Variants in HLTF observed in about 807,000 individuals in gnomAD.
HLTF encodes helicase like transcription factor.
A neutral mutation model predicts 129.4 loss-of-function variants in HLTF; 127 were observed. The ratio of observed to expected loss-of-function variants is 0.98; its 90% CI spans 0.85 to 1.14. The LOEUF (loss-of-function observed/expected upper bound fraction) is 1.14, where lower values mean the gene tolerates loss of function less well. Ranked by LOEUF, HLTF falls within the 50% of genes most tolerant of loss-of-function variation. The probability of loss-of-function intolerance (pLI) is 0.00; values close to 1 mark genes in which losing one functional copy is unlikely to be tolerated. For synonymous variants in HLTF, 332 were observed against 388.8 expected (o/e 0.85, Z 1.72); for missense variants, 1,139 against 1,187.1 (o/e 0.96, Z 0.60).
chr3:149,073,281 CT>C lies in HLTF; in HGVS notation c.570del (p.Ala191LeufsTer15), dbSNP rs762485670. 6.2e-7 allele frequency: 1 copy of C among 1,613,418 alleles called. No individual in the cohort carries two copies. The highest frequency in any genetic ancestry group is 1.1e-5 in the South Asian group (1 of 90,902). On this transcript the variant is annotated frameshift_variant, in exon 5 of 25. Transcript: ENST00000310053. LOFTEE classifies it high-confidence loss of function. ...FNLESGWGSG[R>X]AGPSYSMPVH... ...ACTGGCATACTATAGCTTGGTCCAGCTCTTCCAGAGCCCCAACCACTTTCCA... is the reference window on the plus strand; with the variant it reads ...ACTGGCATACTATAGCTTGGTCCAGCCTTCCAGAGCCCCAACCACTTTCCA...
intron 15 of HLTF, 39 bp downstream of exon 15, chr3:149,050,193 C>T: frequency 7.4e-7 from 1 of 1,348,948 alleles, no homozygotes; most frequent in Non-Finnish European, 1.0e-6. Flanking sequence ...TTCTTACATT[C>T]AATCTTTAAA....
intron 23 of HLTF, 99 bp downstream of exon 23, chr3:149,038,950 C>G (rs1715876094): frequency 1.6e-6 from 1 of 637,760 alleles, no homozygotes; most frequent in Non-Finnish European, 2.5e-6. Context: ...AGAATTTTCA[C>G]AGTTAATTAT....
intron 14 of HLTF, among the ~76,000 whole-genome samples, chr3:149,053,928 A>G (rs1300392270): frequency 6.6e-6 from 1 of 152,228 alleles, no homozygotes. Context: ...AAATTAAAGA[A>G]AGAACAGTTT....
At chr3:149,074,757 C>T (rs866442401) in intron 3 of HLTF, among the ~76,000 whole-genome samples, 9 of 151,920 alleles carry the variant, frequency 5.9e-5, no homozygotes, top group African/African-American at 1.9e-4. Flanking sequence ...AACTGAAAAA[C>T]CTGATAAACT....
rs1226640252 is a variant in HLTF at position 149,030,785 on chromosome 3, G to C, written c.*1435C>G. The C allele has an allele frequency of 2.0e-5, 3 of 152,194 alleles. No individual in the cohort carries two copies. Among genetic ancestry groups the C allele is most frequent in the Non-Finnish European group, 4.4e-5 (3 of 68,046 alleles). The allele number at this position is 152,194 out of a possible 1,614,324, so 9.4% of individuals were successfully genotyped here. A position where few individuals can be genotyped will look rare whatever the true frequency, so the allele number is the denominator to read the frequency against. ...CTGCTACTGCCTCAAAAAGGGACCAGGAAGATTCTAGCTGGCTAATTCACT... is the reference window on the plus strand; with the variant it reads ...CTGCTACTGCCTCAAAAAGGGACCACGAAGATTCTAGCTGGCTAATTCACT... On this transcript the variant is annotated 3_prime_UTR_variant, in exon 25 of 25. Coordinates refer to ENST00000310053, the MANE Select transcript of HLTF (RefSeq NM_003071.4).
intron 8 of HLTF, among the ~76,000 whole-genome samples, chr3:149,065,152 T>A (rs1267711505): frequency 6.6e-6 from 1 of 152,140 alleles, no homozygotes; most frequent in Non-Finnish European, 1.5e-5. Flanking sequence ...AATGACACAT[T>A]ATTGTGAGAA....
At chr3:149,082,629 T>C (rs887367731) in intron 2 of HLTF, among the ~76,000 whole-genome samples, 2 of 152,204 alleles carry the variant, frequency 1.3e-5, no homozygotes, top group Non-Finnish European at 2.9e-5. Flanking sequence ...ACTAGGATCA[T>C]ACATTTAAAA....
chr3:149,058,274 A>G (rs1256755747), intron 13 of HLTF, among the ~76,000 whole-genome samples: 2 of 152,070 alleles, frequency 1.3e-5, no homozygotes, highest in Non-Finnish European at 2.9e-5. Context: ...GGATTTTGCC[A>G]TGTTGCCCAC....
At chr3:149,084,207 A>C (rs779232317) in intron 2 of HLTF, among the ~76,000 whole-genome samples, 1 of 152,206 alleles carries the variant, frequency 6.6e-6, no homozygotes, top group Non-Finnish European at 1.5e-5. Context: ...CAATCAAAAA[A>C]CAATTTGAAA....
rs778543884 is a variant in HLTF, at chr3:149,064,815, C to T, written c.1042G>A (p.Glu348Lys). 24 of 1,597,706 alleles carry T rather than the reference C, an allele frequency of 1.5e-5. No homozygotes were observed. The South Asian group carries it at 2.6e-4, about 18-fold the overall frequency. The change falls in exon 9 of 25, where the codon GAA becomes AAA. Residue 348 changes from glutamate to lysine, a missense_variant. Transcript: ENST00000310053. ...CCTTTGCTTAGTCCATCTGCCTTTT[C>T]ACTGGTATTGTTTCCTCCAAGTTTC... ...SMKLGGNNTS[E>K]KADGLSKDAS...
intron 10 of HLTF, among the ~76,000 whole-genome samples, chr3:149,061,397 C>T (rs1021646856): frequency 3.3e-5 from 5 of 149,744 alleles, no homozygotes; most frequent in East Asian, 3.9e-4. Context: ...CCTGACAGAG[C>T]GACACTCCAT....
chr3:149,073,910 G>T (rs1719090828), intron 4 of HLTF, among the ~76,000 whole-genome samples: 1 of 152,002 alleles, frequency 6.6e-6, no homozygotes, highest in Non-Finnish European at 1.5e-5. Flanking sequence ...TAAAGTCAGG[G>T]GTTTCCAGAT....
chr3:149,077,264 A>AATT (rs1576624510), intron 2 of HLTF, among the ~76,000 whole-genome samples: 2 of 149,750 alleles, frequency 1.3e-5, no homozygotes, highest in Admixed American at 6.7e-5. Flanking sequence ...ATAAATAAAT[A>AATT]AATAAATAAA....
chr3:149,057,102 C>T (rs1332960240), intron 13 of HLTF, among the ~76,000 whole-genome samples: 2 of 79,662 alleles, frequency 2.5e-5, no homozygotes, highest in Admixed American at 1.8e-4. Flanking sequence ...AGCGAGACTC[C>T]GTCTCAAAAA....
chr3:149,068,841 T>C (rs1009239916), intron 7 of HLTF, among the ~76,000 whole-genome samples: 3 of 152,262 alleles, frequency 2.0e-5, no homozygotes, highest in Non-Finnish European at 4.4e-5. Flanking sequence ...CAATATTTAC[T>C]GCAGCTTAAT....
Position 149,040,061 on chromosome 3 carries a change from CTT to C in HLTF, c.2470_2471del (p.Lys824ValfsTer2). The C allele has an allele frequency of 6.2e-7, 1 of 1,611,646 alleles. No homozygotes were observed. Among genetic ancestry groups the C allele is most frequent in the South Asian group, 1.1e-5 (1 of 90,846 alleles). On this transcript the variant is annotated frameshift_variant, in exon 21 of 25. Coordinates refer to ENST00000310053, the MANE Select transcript of HLTF (RefSeq NM_003071.4). LOFTEE classifies it high-confidence loss of function. ...AACTGGATGTCCATTCCATATCAGACTTTTTCTCACTGTCACGTGCTAATTCT... is the reference window on the plus strand; with the variant it reads ...AACTGGATGTCCATTCCATATCAGACTTTCTCACTGTCACGTGCTAATTCT... The part of the protein sequence containing the change: ...PEELARDSEK[K>X]SDMEWTSSSK...
intron 21 of HLTF, 45 bp downstream of exon 21, chr3:149,039,986 T>A: frequency 1.3e-6 from 2 of 1,536,992 alleles, no homozygotes; most frequent in South Asian, 1.2e-5. Flanking sequence ...TTTCCTTATA[T>A]AAAGGTAAAA....
chr3:149,032,725 G>A (rs1276095051), intron 24 of HLTF, among the ~76,000 whole-genome samples: 2 of 152,164 alleles, frequency 1.3e-5, no homozygotes, highest in African/African-American at 2.4e-5. Context: ...CACTTTGGGA[G>A]GCCGAGGCGG....
At position 149,050,345 on chromosome 3, in the gene HLTF, C is replaced by CATCT. The variant is rs1716885103; in HGVS notation, c.1500_1503dup (p.Val502ArgfsTer13). The CATCT allele has an allele frequency of 6.3e-7, 1 of 1,590,954 alleles. No homozygotes were observed. The highest frequency in any genetic ancestry group is 1.7e-5 in the Admixed American group (1 of 57,568). Reference sequence around the variant, plus strand: ...TAATAAACATAAAAATTCAAGTGTACATCTGATTTTATATGTTGTCCAAAC... The same window carrying CATCT: ...TAATAAACATAAAAATTCAAGTGTACATCTATCTGATTTTATATGTTGTCCAAAC... On this transcript the variant is annotated frameshift_variant, in exon 15 of 25. Coordinates refer to ENST00000310053, the MANE Select transcript of HLTF (RefSeq NM_003071.4). LOFTEE classifies it high-confidence loss of function.
Sources: gnomAD v4.1 joint callset for allele counts (sites outside exome capture counted in the v4.1 genomes callset) on GRCh38, gnomAD v4.1.1 for gene constraint, MANE v1.5 for transcripts, NCBI Gene and HGNC (gene_info 2026-07-23, HGNC 2026-07-21) for gene names.